HCN2: variants seen among roughly 807,000 people sequenced by gnomAD.
HCN2 encodes hyperpolarization activated cyclic nucleotide gated potassium and sodium channel 2, also known as potassium/sodium hyperpolarization-activated cyclic nucleotide-gated channel 2.
Under a neutral mutation model 52.3 loss-of-function variants are expected in HCN2, and 20 were observed. The ratio of observed to expected loss-of-function variants is 0.38; its 90% CI spans 0.27 to 0.56. HCN2 has a LOEUF of 0.56. HCN2 is among the 20% of genes least tolerant of loss of function. HCN2 has a pLI of 0.71. For synonymous variants in HCN2, 694 were observed against 537.0 expected (o/e 1.29, Z -4.04); for missense variants, 981 against 1,207.7 (o/e 0.81, Z 2.78).
chr19:599,861 TGTGTGTG>T (rs2144511075), intron 1 of HCN2, among the ~76,000 whole-genome samples: 1 of 82,240 alleles, frequency 1.2e-5, no homozygotes, highest in African/African-American at 3.2e-5. Context: ...TGTGTGTGTG[TGTGTGTG>T]TGTGTGTGTG....
chr19:602,947 C>T (rs891471270), intron 1 of HCN2, among the ~76,000 whole-genome samples: 1 of 68,080 alleles, frequency 1.5e-5, no homozygotes, highest in African/African-American at 7.2e-5. Context: ...CCTGCAGGCG[C>T]CTGGGGGGAA....
chr19:616,545 T>G lies in HCN2; in HGVS notation c.*71T>G. The G allele has an allele frequency of 3.4e-6, 3 of 893,852 alleles. No individual in the cohort carries two copies. Among genetic ancestry groups the G allele is most frequent in the East Asian group, 5.3e-5 (1 of 18,882 alleles). 55.4% of individuals were successfully genotyped at this position (893,852 alleles called of 1,614,324 possible). ...CGTCATCCAGACCAAAGCCATGCCA[T>G]TGCGCTGCCCCGGCCGCCAGTCCGC... is the stretch of plus-strand genomic sequence containing the variant. On this transcript the variant is annotated 3_prime_UTR_variant, in exon 8 of 8. Coordinates refer to ENST00000251287, the MANE Select transcript of HCN2 (RefSeq NM_001194.4).
intron 7 of HCN2, 114 bp downstream of exon 7, chr19:614,130 CA>C: frequency 5.9e-6 from 4 of 682,456 alleles, no homozygotes; most frequent in Non-Finnish European, 8.3e-6. Flanking sequence ...GCTGTGGCAT[CA>C]GGGGCACGGT....
At position 592,056 on chromosome 19, in the gene HCN2, GA is replaced by G. The variant is rs1164654829; in HGVS notation, c.632+1480del. 6.6e-6 allele frequency among the ~76,000 whole-genome samples: 1 copy of G among 152,222 alleles called. No homozygotes were observed. Among genetic ancestry groups the G allele is most frequent in the Non-Finnish European group, 1.5e-5 (1 of 68,020 alleles). ...CCACCCTGCCTCTGTGCCCCACCGGGAGAGCTTGGTCAGCATCTGGGCTCTG... is the reference window on the plus strand; with the variant it reads ...CCACCCTGCCTCTGTGCCCCACCGGGGAGCTTGGTCAGCATCTGGGCTCTG... On this transcript the variant is annotated intron_variant, in intron 1 of 7. Transcript: ENST00000251287. This position sits in a 1 kb window ranked among gnomAD's most constrained non-coding sequence, Gnocchi z 4.8.
At chr19:613,644 T>TGGGGATGGGGCC in intron 6 of HCN2, among the ~76,000 whole-genome samples, 156 bp downstream of exon 6, 1 of 9,842 alleles carries the variant, frequency 1.0e-4, no homozygotes, top group Admixed American at 9.6e-4. Context: ...GGGCCGGGGA[T>TGGGGATGGGGCC]GGGGATGGGG....
intron 3 of HCN2, among the ~76,000 whole-genome samples, chr19:606,065 C>T (rs1388036062): frequency 6.6e-6 from 1 of 152,156 alleles, no homozygotes; most frequent in Admixed American, 6.5e-5. Context: ...AATGGATTTC[C>T]CTTTTAATTA....
intron 1 of HCN2, among the ~76,000 whole-genome samples, chr19:602,729 C>G (rs1198252387): frequency 3.9e-5 from 6 of 152,240 alleles, no homozygotes; most frequent in Admixed American, 6.5e-5. Context: ...CACATTGTCC[C>G]TCTCTGGTCA....
intron 3 of HCN2, among the ~76,000 whole-genome samples, chr19:607,026 G>A (rs1983448602): frequency 6.6e-6 from 1 of 151,600 alleles, no homozygotes; most frequent in Admixed American, 6.6e-5. Flanking sequence ...TACAAAACTA[G>A]CTTGGCGTGG....
chr19:614,271 C>T (rs1230676636), intron 7 of HCN2, among the ~76,000 whole-genome samples: 7 of 152,178 alleles, frequency 4.6e-5, no homozygotes, highest in South Asian at 2.1e-4. Context: ...ACCTATTGTC[C>T]TACTTCAGCC....
intron 1 of HCN2, among the ~76,000 whole-genome samples, chr19:596,099 C>T (rs973788235): frequency 7.2e-5 from 11 of 152,214 alleles, no homozygotes; most frequent in South Asian, 2.1e-4. Flanking sequence ...GGAGCCGGGT[C>T]GGCGGCCTCC....
intron 4 of HCN2, among the ~76,000 whole-genome samples, chr19:609,288 C>T (rs954175842): frequency 2.6e-5 from 4 of 152,322 alleles, no homozygotes; most frequent in South Asian, 4.1e-4. Flanking sequence ...GGGCCTGGCA[C>T]CCCCGCCCAG....
At chr19:597,244 A>G (rs944726062) in intron 1 of HCN2, among the ~76,000 whole-genome samples, 3 of 152,210 alleles carry the variant, frequency 2.0e-5, no homozygotes, top group Non-Finnish European at 2.9e-5. Context: ...ACAGGAGCAG[A>G]AGGCTCAAGG....
intron 3 of HCN2, among the ~76,000 whole-genome samples, chr19:606,850 C>T (rs1393993484): frequency 6.8e-6 from 1 of 148,018 alleles, no homozygotes; most frequent in South Asian, 2.1e-4. Flanking sequence ...GACTTTGTCT[C>T]AAAAAAAATA....
At position 617,111 on chromosome 19, in the gene HCN2, T is replaced by G; in HGVS notation, c.*637T>G. The G allele has an allele frequency of 2.6e-6, 1 of 388,722 alleles. No individual in the cohort carries two copies. Among genetic ancestry groups the G allele is most frequent in the East Asian group, 6.9e-5 (1 of 14,464 alleles). 24.1% of individuals were successfully genotyped at this position (388,722 alleles called of 1,614,324 possible). On this transcript the variant is annotated 3_prime_UTR_variant, in exon 8 of 8. Transcript: ENST00000251287. ...CCCACCGTGGCCCCCCACGCCCCAT[T>G]AACCCCCACACCCCCATTCCGCGCA...
intron 3 of HCN2, 91 bp downstream of exon 3, chr19:605,313 A>AG (rs1461545142): frequency 8.6e-7 from 1 of 1,165,072 alleles, no homozygotes. Context: ...CAGAGGGTTG[A>AG]ACCCAAGCCT....
Position 616,917 on chromosome 19 carries a change from A to T in HCN2, c.*443A>T, listed in dbSNP as rs1172007519. ...GCTGCCCCCATCGCGCTCACGCAAT[A>T]ACCGGCCCGGCCCCCGTCCGCGCGC... On this transcript the variant is annotated 3_prime_UTR_variant, in exon 8 of 8. Transcript: ENST00000251287. 4 of 333,660 alleles carry T rather than the reference A, an allele frequency of 1.2e-5. No individual in the cohort carries two copies. Among genetic ancestry groups the T allele is most frequent in the Non-Finnish European group, 2.3e-5 (4 of 177,686 alleles). 20.7% of individuals were successfully genotyped at this position (333,660 alleles called of 1,614,324 possible). A position where few individuals can be genotyped will look rare whatever the true frequency, so the allele number is the denominator to read the frequency against.
chr19:600,696 G>T (rs1983175961), intron 1 of HCN2, among the ~76,000 whole-genome samples: 1 of 152,164 alleles, frequency 6.6e-6, no homozygotes, highest in South Asian at 2.1e-4. Flanking sequence ...GGCCAGGCTG[G>T]TCTCAAACCC....
intron 1 of HCN2, among the ~76,000 whole-genome samples, chr19:598,111 G>T (rs986821915): frequency 6.6e-6 from 1 of 152,228 alleles, no homozygotes; most frequent in Non-Finnish European, 1.5e-5. Flanking sequence ...GCGGCAGGCG[G>T]GTGGCATCCC....
At chr19:613,142 C>G in intron 5 of HCN2, 106 bp from the exon 6 acceptor site, 2 of 1,419,244 alleles carry the variant, frequency 1.4e-6, no homozygotes, top group South Asian at 1.4e-5. Context: ...GCCCGTCTCT[C>G]AGACGAGGAA....
Sources: gnomAD v4.1 joint callset for allele counts (sites outside exome capture counted in the v4.1 genomes callset) on GRCh38, gnomAD v4.1.1 for gene constraint, Gnocchi (gnomAD v3.1) non-coding constraint, MANE v1.5 for transcripts, NCBI Gene and HGNC (gene_info 2026-07-23, HGNC 2026-07-21) for gene names.